The following GLYATL3 variants were observed in gnomAD, a reference collection of about 807,000 sequenced individuals.
GLYATL3 encodes glycine N-acyltransferase-like protein 3.
Under a neutral mutation model 28.5 loss-of-function variants are expected in GLYATL3, and 31 were observed. The ratio of observed to expected loss-of-function variants is 1.09; its 90% CI spans 0.82 to 1.47. The LOEUF is 1.47. Among genes scored for constraint, GLYATL3 ranks in the 40% most tolerant of loss-of-function variants. The pLI, the probability that GLYATL3 is intolerant of heterozygous loss-of-function variation, is 0.00. For missense variants in GLYATL3, 369 were observed against 351.5 expected, an observed-to-expected ratio of 1.05 and a Z score of -0.40; for synonymous variants, 141 against 140.2, an observed-to-expected ratio of 1.01 and a Z score of -0.04.
At chr6:49,513,043 T>C (rs1043321044) in intron 2 of GLYATL3, among the ~76,000 whole-genome samples, 3 of 152,184 alleles carry the variant, frequency 2.0e-5, no homozygotes, top group African/African-American at 7.2e-5. Context: ...AGTGAATTAA[T>C]GGAATGAAAT....
At chr6:49,504,316 T>C (rs1167742558) in intron 1 of GLYATL3, among the ~76,000 whole-genome samples, 1 of 151,768 alleles carries the variant, frequency 6.6e-6, no homozygotes, top group East Asian at 1.9e-4. Flanking sequence ...CTCTGTCTCA[T>C]TGTTGCATGC....
rs945318772 is a variant in GLYATL3, at chr6:49,522,463, G to A, written c.440+692G>A. ...CTGAGTCTCAATTTCTTCTGAATTC[G>A]TTCCTTTAAGTGTTTTTTAAATTAA... On this transcript the variant is annotated intron_variant, in intron 5 of 5. Transcript: ENST00000371197. Among the ~76,000 whole-genome samples the A allele has an allele frequency of 6.6e-5, 10 of 152,000 alleles. No individual in the cohort carries two copies. In the East Asian group the frequency reaches 7.7e-4, roughly 12 times the overall value.
intron 5 of GLYATL3, 29 bp from the exon 6 acceptor site, chr6:49,526,459 C>T (rs766255984): frequency 2.6e-6 from 4 of 1,535,016 alleles, no homozygotes; most frequent in African/African-American, 2.7e-5. Flanking sequence ...GTCTGAGGTC[C>T]TATTTGTTTT....
Position 49,526,761 on chromosome 6 carries a change from G to A in GLYATL3, c.714G>A (p.Leu238=). 1 of 1,551,772 alleles carries A rather than the reference G, an allele frequency of 6.4e-7. No homozygotes were observed. Among genetic ancestry groups the A allele is most frequent in the Non-Finnish European group, 8.7e-7 (1 of 1,147,012 alleles). ...TGGCCCTCACGCTGGCCAGGAAGTT[G>A]CAAAGCCGGGGATTCCCCTCTCAGG... is the stretch of plus-strand genomic sequence containing the variant. ...RLVALTLARK[L]QSRGFPSQGN... Residue 238 remains leucine (L), a synonymous_variant, in exon 6 of 6, where the codon TTG becomes TTA. Coordinates refer to ENST00000371197, the MANE Select transcript of GLYATL3 (RefSeq NM_001010904.2).
At position 49,521,768 on chromosome 6, in the gene GLYATL3, T is replaced by C. The variant is rs1267062624; in HGVS notation, c.437T>C (p.Phe146Ser). The stretch of plus-strand genomic sequence containing the variant: ...GTTTCATCTCTGCCAGATACCAGTT[T>C]CCTGTATGTAAACCAAGTTTTTGCA... ...SPVSSLPDTS[F>S]LKGPSPRLTY... The change falls in exon 5 of 6, where the codon TTC becomes TCC. Residue 146 changes from phenylalanine to serine, a missense_variant. Coordinates refer to ENST00000371197, the MANE Select transcript of GLYATL3 (RefSeq NM_001010904.2). 12 of 1,551,078 alleles carry C rather than the reference T, an allele frequency of 7.7e-6. No individual in the cohort carries two copies. The highest frequency in any genetic ancestry group is 1.4e-5 in the African/African-American group (1 of 73,026).
At chr6:49,510,905 A>G (rs1368364548) in intron 1 of GLYATL3, among the ~76,000 whole-genome samples, 5 of 152,220 alleles carry the variant, frequency 3.3e-5, no homozygotes, top group Non-Finnish European at 7.3e-5. Flanking sequence ...AAACCTCATG[A>G]TAGAATTTTA....
rs147360371 is a variant in GLYATL3, at chr6:49,507,553, C to T, written c.-28-4410C>T. Among the ~76,000 whole-genome samples, 32 of 152,216 alleles carry T rather than the reference C, an allele frequency of 2.1e-4. No homozygotes were observed. In the East Asian group the frequency reaches 6.2e-3, roughly 29 times the overall value. ...CCTGGAATAATACTCATCGACAAAC[C>T]TGAAAAGAGGGGAGAGTTGGAAAAG... On this transcript the variant is annotated intron_variant, in intron 1 of 5. Coordinates refer to ENST00000371197, the MANE Select transcript of GLYATL3 (RefSeq NM_001010904.2).
intron 5 of GLYATL3, among the ~76,000 whole-genome samples, chr6:49,523,428 C>T (rs1332886648): frequency 1.3e-5 from 2 of 152,190 alleles, no homozygotes; most frequent in East Asian, 1.9e-4. Flanking sequence ...GCATCCTCTG[C>T]CTAGCACAGA....
At chr6:49,518,038 T>C (rs951405942) in intron 4 of GLYATL3, among the ~76,000 whole-genome samples, 3 of 152,224 alleles carry the variant, frequency 2.0e-5, no homozygotes, top group Non-Finnish European at 4.4e-5. Context: ...CTGTTTTTTT[T>C]CTGAGTCAAG....
At chr6:49,512,148 C>CT in intron 2 of GLYATL3, 80 bp downstream of exon 2, 3 of 716,368 alleles carry the variant, frequency 4.2e-6, no homozygotes, top group Non-Finnish European at 4.5e-6. Flanking sequence ...GGCTATTTTC[C>CT]TTTTTTTCTG....
At chr6:49,510,699 TGGA>T (rs1769106674) in intron 1 of GLYATL3, among the ~76,000 whole-genome samples, 2 of 152,212 alleles carry the variant, frequency 1.3e-5, no homozygotes, top group Non-Finnish European at 2.9e-5. Context: ...TCCTGAAGTC[TGGA>T]AACTAGATCT....
intron 2 of GLYATL3, among the ~76,000 whole-genome samples, chr6:49,513,173 A>C (rs942257096): frequency 6.6e-6 from 1 of 152,190 alleles, no homozygotes; most frequent in African/African-American, 2.4e-5. Context: ...TATTAAAGAA[A>C]ATACAGTTTC....
intron 2 of GLYATL3, 53 bp downstream of exon 2, chr6:49,512,121 A>C: frequency 5.8e-6 from 5 of 859,936 alleles, no homozygotes; most frequent in Non-Finnish European, 9.1e-6. Flanking sequence ...TAATCTGTAA[A>C]ATAATGTCAA....
intron 5 of GLYATL3, among the ~76,000 whole-genome samples, chr6:49,525,489 G>GGGAGGT (rs1769393405): frequency 7.0e-6 from 1 of 143,218 alleles, no homozygotes; most frequent in South Asian, 2.2e-4. Context: ...GCTTGAACCG[G>GGGAGGT]GGAGGTGGAG....
chr6:49,500,974 T>C (rs1392211624), intron 1 of GLYATL3, among the ~76,000 whole-genome samples: 1 of 152,234 alleles, frequency 6.6e-6, no homozygotes, highest in Non-Finnish European at 1.5e-5. Context: ...GTAGATTAAT[T>C]GTAGTGTCCT....
At chr6:49,520,202 G>A (rs1056233489) in intron 4 of GLYATL3, among the ~76,000 whole-genome samples, 8 of 149,582 alleles carry the variant, frequency 5.3e-5, no homozygotes, top group African/African-American at 1.5e-4. Flanking sequence ...CAAACACCTC[G>A]GTGTTTTAAA....
intron 5 of GLYATL3, among the ~76,000 whole-genome samples, chr6:49,525,476 A>G (rs1769393164): frequency 6.7e-6 from 1 of 148,772 alleles, no homozygotes; most frequent in Non-Finnish European, 1.5e-5. Context: ...AGATACGAGA[A>G]TCGCTTGAAC....
At chr6:49,520,624 G>A (rs1356223671) in intron 4 of GLYATL3, among the ~76,000 whole-genome samples, 1 of 152,160 alleles carries the variant, frequency 6.6e-6, no homozygotes, top group Non-Finnish European at 1.5e-5. Context: ...TCAGTTTGCA[G>A]AGAATTCAAT....
At chr6:49,526,360 C>G in intron 5 of GLYATL3, 128 bp from the exon 6 acceptor site, 1 of 730,844 alleles carries the variant, frequency 1.4e-6, no homozygotes, top group Middle Eastern at 2.5e-4. Context: ...TTGCAGTGAG[C>G]AGAGATCACG....
Sources: gnomAD v4.1 joint callset for allele counts (sites outside exome capture counted in the v4.1 genomes callset) on GRCh38, gnomAD v4.1.1 for gene constraint, MANE v1.5 for transcripts, NCBI Gene and HGNC (gene_info 2026-07-23, HGNC 2026-07-21) for gene names.